PAM: variants seen among roughly 807,000 people sequenced by gnomAD.
PAM encodes the protein peptidylglycine alpha-amidating monooxygenase, also known as peptidyl-glycine alpha-amidating monooxygenase.
In PAM, 72 loss-of-function variants were observed where a neutral mutation model predicts 122.1. The observed-to-expected ratio is 0.59, with a 90% CI of 0.49 to 0.72. The LOEUF (loss-of-function observed/expected upper bound fraction) is 0.72. Ranked by LOEUF, PAM falls within the 30% of genes least tolerant of loss-of-function variation. PAM has a pLI of 0.00. For missense variants in PAM, 1,106 were observed against 1,183.7 expected, an observed-to-expected ratio of 0.93 and a Z score of 0.96; for synonymous variants, 389 against 404.4, an observed-to-expected ratio of 0.96 and a Z score of 0.46.
At chr5:102,788,964 C>T (rs561079380) in intron 1 of PAM, among the ~76,000 whole-genome samples, 4 of 152,166 alleles carry the variant, frequency 2.6e-5, no homozygotes, top group African/African-American at 7.2e-5. Context: ...TTGACACTAA[C>T]GGTCAGAGGC....
intron 3 of PAM, among the ~76,000 whole-genome samples, chr5:102,887,531 A>G (rs1470679668): frequency 6.6e-6 from 1 of 152,008 alleles, no homozygotes; most frequent in Non-Finnish European, 1.5e-5. Context: ...GTCAAAGCAC[A>G]GAGCACATTA....
At chr5:102,874,489 A>G (rs1026160112) in intron 3 of PAM, among the ~76,000 whole-genome samples, 1 of 151,958 alleles carries the variant, frequency 6.6e-6, no homozygotes, top group Non-Finnish European at 1.5e-5. Flanking sequence ...AATAATAGAA[A>G]CATGCTACAT....
Position 103,006,783 on chromosome 5 carries a change from T to G in PAM, c.1804-18T>G, listed in dbSNP as rs376989886. On this transcript the variant is annotated intron_variant, in intron 18 of 25. Coordinates refer to ENST00000438793, the MANE Select transcript of PAM (RefSeq NM_001177306.2). ...TAACCATGAAAAGTAGGTAAGGCTT[T>G]TGTTCCTTTTTAAAAAGGTGTTCAA... 6.3e-6 allele frequency: 10 copies of G among 1,580,130 alleles called. No individual in the cohort carries two copies. The highest frequency in any genetic ancestry group is 8.7e-6 in the Non-Finnish European group (10 of 1,152,174).
In PAM at chr5:103,009,784, T is replaced by C. The variant is rs777111115; in HGVS notation, c.2249T>C (p.Phe750Ser). The change falls in exon 21 of 26, where the codon TTT (phenylalanine) becomes TCT (serine). Residue 750 changes from phenylalanine (F) to serine (S), a missense_variant. Physicochemically the swap from Phe to Ser is radical, Grantham distance 155 (BLOSUM62 -2). Transcript: ENST00000438793. ...LLFAVNGKPH[F>S]GDQEPVQGFV... Reference sequence around the variant, plus strand: ...TTTGCAGTGAATGGGAAGCCTCATTTTGGGGACCAAGAACCTGTACAAGGA... The same window carrying C: ...TTTGCAGTGAATGGGAAGCCTCATTCTGGGGACCAAGAACCTGTACAAGGA... 28 of 1,612,242 alleles carry C rather than the reference T, an allele frequency of 1.7e-5. No homozygotes were observed. In the Admixed American group the frequency reaches 1.8e-4, roughly 11 times the overall value.
At chr5:102,961,398 C>A (rs574185268) in intron 14 of PAM, among the ~76,000 whole-genome samples, 169 bp downstream of exon 14, 1 of 151,920 alleles carries the variant, frequency 6.6e-6, no homozygotes, top group South Asian at 2.1e-4. Flanking sequence ...TCAATTATTG[C>A]ACTTTAGCTT....
chr5:102,865,547 T>A (rs1183953132), intron 1 of PAM: 1 of 151,292 alleles, frequency 6.6e-6, no homozygotes, highest in East Asian at 2.0e-4. Context: ...CTGTGAGGGA[T>A]AAAGGGGGGA....
intron 1 of PAM, among the ~76,000 whole-genome samples, chr5:102,766,445 G>T (rs1484462141): frequency 6.6e-6 from 1 of 152,098 alleles, no homozygotes; most frequent in Non-Finnish European, 1.5e-5. Context: ...CTGCTCCTAT[G>T]AGACTCTAAT....
chr5:102,897,746 G>T (rs1470230449), intron 3 of PAM, among the ~76,000 whole-genome samples: 1 of 151,562 alleles, frequency 6.6e-6, no homozygotes, highest in African/African-American at 2.4e-5. Flanking sequence ...GGTAGTCTGG[G>T]AGGATTCTGT....
At chr5:102,799,521 T>C (rs1001043283) in intron 1 of PAM, among the ~76,000 whole-genome samples, 1 of 152,212 alleles carries the variant, frequency 6.6e-6, no homozygotes, top group Admixed American at 6.5e-5. Context: ...GGCAAATAAG[T>C]TATTCTATTT....
At chr5:102,809,692 C>T (rs1237136794) in intron 1 of PAM, among the ~76,000 whole-genome samples, 1 of 152,132 alleles carries the variant, frequency 6.6e-6, no homozygotes, top group Non-Finnish European at 1.5e-5. Flanking sequence ...TGAGATGATT[C>T]GCCTTTCTAC....
At chr5:102,976,845 A>G (rs896381248) in intron 15 of PAM, among the ~76,000 whole-genome samples, 2 of 152,122 alleles carry the variant, frequency 1.3e-5, no homozygotes, top group African/African-American at 4.8e-5. Context: ...ATTATTTCCA[A>G]TGTGCATCTT....
In PAM at chr5:102,904,720, A is replaced by G. The variant is rs1179255802; in HGVS notation, c.268+3307A>G. Among the ~76,000 whole-genome samples the G allele has an allele frequency of 4.6e-5, 7 of 151,624 alleles. No homozygotes were observed. In the East Asian group the frequency reaches 1.4e-3, roughly 29 times the overall value. On this transcript the variant is annotated intron_variant, in intron 4 of 25. Coordinates refer to ENST00000438793, the MANE Select transcript of PAM (RefSeq NM_001177306.2). ...AAGGACTTTCTCCTTGAACTTTTCA[A>G]ATTTCTGAAGAAAATTACAAAAGAC... is the stretch of plus-strand genomic sequence containing the variant.
chr5:102,969,001 C>T (rs1239662177), intron 14 of PAM, among the ~76,000 whole-genome samples: 2 of 151,924 alleles, frequency 1.3e-5, no homozygotes, highest in African/African-American at 4.8e-5. Context: ...GAAAACCAAA[C>T]ACTGCATGTT....
intron 15 of PAM, among the ~76,000 whole-genome samples, chr5:102,983,026 G>C (rs1331228410): frequency 6.6e-6 from 1 of 151,994 alleles, no homozygotes. Context: ...TTATAAAAAA[G>C]AGTGAAACAG....
At chr5:102,800,488 G>A (rs1167954778) in intron 1 of PAM, among the ~76,000 whole-genome samples, 1 of 152,212 alleles carries the variant, frequency 6.6e-6, no homozygotes, top group Non-Finnish European at 1.5e-5. Flanking sequence ...ACCTTTAGAA[G>A]TGTCATTCTT....
At chr5:103,025,440 T>A (rs749312402) in intron 24 of PAM, 106 bp downstream of exon 24, 1 of 897,278 alleles carries the variant, frequency 1.1e-6, no homozygotes, top group Non-Finnish European at 1.8e-6. Context: ...ATTTGTTTTT[T>A]TGTTTTTAAT....
intron 1 of PAM, among the ~76,000 whole-genome samples, chr5:102,855,503 A>AG (rs1159512760): frequency 6.6e-6 from 1 of 152,178 alleles, no homozygotes; most frequent in East Asian, 1.9e-4. Context: ...CAGAAGACAA[A>AG]GGTCACTGTT....
At chr5:102,965,197 A>C (rs1033062710) in intron 14 of PAM, among the ~76,000 whole-genome samples, 10 of 150,178 alleles carry the variant, frequency 6.7e-5, no homozygotes, top group Middle Eastern at 3.4e-3. Flanking sequence ...ACACACACAC[A>C]CCTCACATAT....
chr5:102,911,148 G>A (rs1801284732), intron 4 of PAM, among the ~76,000 whole-genome samples: 1 of 151,806 alleles, frequency 6.6e-6, no homozygotes, highest in East Asian at 1.9e-4. Flanking sequence ...TTTTGCTGGA[G>A]GTAGTTTTCA....
Sources: allele counts gnomAD v4.1 joint callset (sites outside exome capture counted in the v4.1 genomes callset), GRCh38; gene constraint gnomAD v4.1.1; transcripts MANE v1.5; gene names NCBI Gene and HGNC (gene_info 2026-07-23, HGNC 2026-07-21).